PTPRF: variants seen among roughly 807,000 people sequenced by gnomAD.
PTPRF encodes the protein receptor-type tyrosine-protein phosphatase F.
PTPRF carries 59 observed loss-of-function variants against 201.8 expected under a neutral mutation model. The ratio of observed to expected loss-of-function variants is 0.29; its 90% confidence interval spans 0.24 to 0.36. PTPRF has a LOEUF of 0.36. PTPRF is among the 10% of genes least tolerant of loss of function. PTPRF has a pLI of 1.00. For missense variants in PTPRF, 2,132 were observed against 2,690.5 expected (o/e 0.79, Z 4.59); for synonymous variants, 1,088 against 1,089.7 (o/e 1.00, Z 0.03).
chr1:43,620,643 T>C, intron 31 of PTPRF, 64 bp downstream of exon 31: 1 of 1,584,852 alleles, frequency 6.3e-7, no homozygotes, highest in Non-Finnish European at 8.6e-7. Context: ...GATGGCTGCC[T>C]GCATGGTACC....
In PTPRF at chr1:43,617,803, C is replaced by T. The variant is rs769255458; in HGVS notation, c.4263C>T (p.Ile1421=). The T allele has an allele frequency of 5.0e-6, 8 of 1,613,980 alleles. No individual in the cohort carries two copies. The highest frequency in any genetic ancestry group is 1.6e-4 in the Middle Eastern group (1 of 6,084). Residue 1421 remains isoleucine, a synonymous_variant, in exon 25 of 34, where the codon ATC becomes ATT. Coordinates refer to ENST00000359947, the MANE Select transcript of PTPRF (RefSeq NM_002840.5). ...GCTACCGCAAGCAGAATGCCTACAT[C>T]GCCACGCAGGGCCCCCTGCCCGAGA... The part of the protein sequence containing the change: ...IDGYRKQNAY[I]ATQGPLPETM...
At chr1:43,602,867 G>A (rs1654107000) in intron 14 of PTPRF, among the ~76,000 whole-genome samples, 1 of 152,172 alleles carries the variant, frequency 6.6e-6, no homozygotes, top group Non-Finnish European at 1.5e-5. Flanking sequence ...TTTCTCAAGA[G>A]GTATTGCAGG....
chr1:43,553,588 G>A lies in PTPRF; in HGVS notation c.188G>A (p.Arg63His). Reference protein sequence around the residue: ...VCQATGEPKPRITWMKKGKKV... With the variant: ...VCQATGEPKPHITWMKKGKKV... ...CAAGCTACAGGAGAACCCAAGCCGC[G>A]CATCACATGGATGAAGAAGGGGAAG... The change falls in exon 4 of 34, where the codon CGC becomes CAC. Residue 63 changes from arginine (R) to histidine (H), a missense_variant. Arg to His is a conservative substitution (Grantham distance 29). Coordinates refer to ENST00000359947, the MANE Select transcript of PTPRF (RefSeq NM_002840.5). This position sits in a 1 kb window ranked among gnomAD's most constrained non-coding sequence, Gnocchi z 4.1. 1 of 1,614,190 alleles carries A rather than the reference G, an allele frequency of 6.2e-7. No homozygotes were observed. Among genetic ancestry groups the A allele is most frequent in the Admixed American group, 1.7e-5 (1 of 60,024 alleles).
upstream of PTPRF, among the ~76,000 whole-genome samples, chr1:43,526,698 C>G (rs1643129507): frequency 6.6e-6 from 1 of 152,198 alleles, no homozygotes; most frequent in African/African-American, 2.4e-5. Flanking sequence ...AAGCCAAGGA[C>G]TAAGGGCTGC....
At chr1:43,604,839 C>A in intron 16 of PTPRF, 64 bp from the exon 17 acceptor site, 2 of 1,392,882 alleles carry the variant, frequency 1.4e-6, no homozygotes, top group South Asian at 2.3e-5. Context: ...CACCTTCCAC[C>A]CTTCCAGCCC....
In PTPRF at chr1:43,538,175, C is replaced by T. The variant is rs75890940; in HGVS notation, c.-125-23C>T. 2.5e-3 allele frequency: 1,004 copies of T among 398,526 alleles called. 11 individuals carry two copies. Among genetic ancestry groups the T allele is most frequent in the African/African-American group, 0.019 (941 of 48,680 alleles). The allele number at this position is 398,526 out of a possible 1,614,324, so 24.7% of individuals were successfully genotyped here. A position where few individuals can be genotyped will look rare whatever the true frequency, so the allele number is the denominator to read the frequency against. On this transcript the variant is annotated intron_variant, in intron 1 of 33. Coordinates refer to ENST00000359947, the MANE Select transcript of PTPRF (RefSeq NM_002840.5). ...GTTGTGATGAAATTCTTGATGTTTT[C>T]TCATGCTTTCCTTTCTGTCCAGGAA...
rs1205357799 is a variant in PTPRF, at chr1:43,619,140, C to A, written c.4584C>A (p.Ala1528=). The A allele has an allele frequency of 6.2e-7, 1 of 1,612,862 alleles. No homozygotes were observed. Among genetic ancestry groups the A allele is most frequent in the Non-Finnish European group, 8.5e-7 (1 of 1,179,686 alleles). The part of the protein sequence containing the change: ...GVPEYPTPIL[A]FLRRVKACNP... ...CTGAGTACCCAACTCCCATCCTGGC[C>A]TTCCTACGACGGGTCAAGGCCTGCA... The change falls in exon 27 of 34, where the codon GCC becomes GCA. Residue 1528 remains alanine (A), a synonymous_variant. Transcript: ENST00000359947.
At chr1:43,592,377 C>T (rs1651028437) in intron 10 of PTPRF, 80 bp from the exon 11 acceptor site, 2 of 1,519,918 alleles carry the variant, frequency 1.3e-6, no homozygotes, top group Non-Finnish European at 1.8e-6. Context: ...AGAGGTGTCA[C>T]ATTGCAGCCC....
intron 22 of PTPRF, chr1:43,613,307 C>T (rs1284790965): frequency 2.3e-5 from 8 of 355,432 alleles, no homozygotes; most frequent in East Asian, 1.3e-4. Context: ...CCGACCTGGG[C>T]GTCCCACCCC....
At chr1:43,594,482 A>G (rs1234261970) in intron 11 of PTPRF, among the ~76,000 whole-genome samples, 2 of 151,896 alleles carry the variant, frequency 1.3e-5, no homozygotes, top group African/African-American at 4.8e-5. Context: ...GACACAGGGT[A>G]GGCAGGAGAG....
intron 11 of PTPRF, among the ~76,000 whole-genome samples, chr1:43,595,157 A>G (rs573968860): frequency 6.6e-6 from 1 of 152,164 alleles, no homozygotes; most frequent in Admixed American, 6.5e-5. Flanking sequence ...GGGGACCACT[A>G]TGGCTAGAGA....
At chr1:43,592,111 A>G (rs1650935786) in intron 10 of PTPRF, among the ~76,000 whole-genome samples, 163 bp downstream of exon 10, 2 of 152,094 alleles carry the variant, frequency 1.3e-5, no homozygotes, top group Non-Finnish European at 2.9e-5. Context: ...TGTGGCCCGC[A>G]CAGCCTGTAT....
At chr1:43,531,965 C>A (rs1304332168) in intron 1 of PTPRF, among the ~76,000 whole-genome samples, 7 of 152,210 alleles carry the variant, frequency 4.6e-5, no homozygotes, top group Admixed American at 3.9e-4. Flanking sequence ...CCCAGGGTCT[C>A]TCCAGCTGTC....
chr1:43,595,077 G>A (rs947984778), intron 11 of PTPRF, among the ~76,000 whole-genome samples: 3 of 152,198 alleles, frequency 2.0e-5, no homozygotes, highest in Non-Finnish European at 4.4e-5. Flanking sequence ...TGTTTCATGA[G>A]GCCTGTGTGG....
chr1:43,602,144 G>C, intron 14 of PTPRF, 47 bp downstream of exon 14: 4 of 1,584,382 alleles, frequency 2.5e-6, no homozygotes, highest in Non-Finnish European at 2.6e-6. Flanking sequence ...GTCAAGCTGG[G>C]CTCGTGGGAC....
At chr1:43,532,399 A>G (rs1447252671) in intron 1 of PTPRF, among the ~76,000 whole-genome samples, 3 of 152,212 alleles carry the variant, frequency 2.0e-5, no homozygotes, top group Non-Finnish European at 4.4e-5. Context: ...GAGGGGCCAC[A>G]GGGCAGGGCC....
At position 43,604,860 on chromosome 1, in the gene PTPRF, C is replaced by A. The variant is rs758391363; in HGVS notation, c.3038-43C>A. ...CCACCCTTCCAGCCCATTCACCCCA[C>A]CTCATATACCCAGCAGAGCTGACTC... On this transcript the variant is annotated intron_variant, in intron 16 of 33. Transcript: ENST00000359947. 10 of 1,559,356 alleles carry A rather than the reference C, an allele frequency of 6.4e-6. No individual in the cohort carries two copies. The South Asian group carries it at 1.0e-4, about 16-fold the overall frequency.
rs1202789024 is a variant in PTPRF, at chr1:43,591,006, A to G, written c.984A>G (p.Thr328=). 3 of 1,613,194 alleles carry G rather than the reference A, an allele frequency of 1.9e-6. No individual in the cohort carries two copies. The highest frequency in any genetic ancestry group is 2.5e-6 in the Non-Finnish European group (3 of 1,179,398). ...AGCCTCCGATTGATCTTGTGGTGAC[A>G]GAGACAACTGCCACCAGTGTCACCC... ...LPKPPIDLVV[T]ETTATSVTLT... is the part of the protein sequence containing the mutation. The change falls in exon 9 of 34, where the codon ACA becomes ACG. Residue 328 remains threonine, a synonymous_variant. Transcript: ENST00000359947.
At chr1:43,574,358 A>T (rs1018430706) in intron 6 of PTPRF, among the ~76,000 whole-genome samples, 2 of 152,134 alleles carry the variant, frequency 1.3e-5, no homozygotes, top group Non-Finnish European at 2.9e-5. Flanking sequence ...ATTATTTTAA[A>T]ATATTTATTA....
Sources: gnomAD v4.1 joint callset for allele counts (sites outside exome capture counted in the v4.1 genomes callset) on GRCh38, gnomAD v4.1.1 for gene constraint, Gnocchi (gnomAD v3.1) non-coding constraint, MANE v1.5 for transcripts, NCBI Gene and HGNC (gene_info 2026-07-23, HGNC 2026-07-21) for gene names.